The following STAMBPL1 variants were observed in gnomAD, a reference collection of about 807,000 sequenced individuals.
STAMBPL1 encodes the protein STAM binding protein like 1, also known as AMSH-like protease.
In STAMBPL1, 44 loss-of-function variants were observed where a neutral mutation model predicts 52.9. The observed-to-expected ratio is 0.83, with a 90% CI of 0.65 to 1.07. STAMBPL1 has a LOEUF of 1.07. Among genes scored for constraint, STAMBPL1 ranks in the 50% least tolerant of loss-of-function variants. STAMBPL1 has a pLI of 0.00. For missense variants in STAMBPL1, 511 were observed against 520.8 expected (o/e 0.98, Z 0.18); for synonymous variants, 164 against 177.3 (o/e 0.92, Z 0.60).
In STAMBPL1 at chr10:88,913,154, G is replaced by A; in HGVS notation, c.474G>A (p.Glu158=). ...LKKLEHQRLI[E]AERKRIAQMR... is the part of the protein sequence containing the mutation. ...AATTGGAGCATCAGAGATTGATAGA[G>A]GCAGAAAGGAAGCGGATTGCTCAGA... is the stretch of plus-strand genomic sequence containing the variant. The change falls in exon 6 of 11, where the codon GAG becomes GAA. Residue 158 remains glutamate, a synonymous_variant. Transcript: ENST00000371926. 2 of 1,613,258 alleles carry A rather than the reference G, an allele frequency of 1.2e-6. No homozygotes were observed. Among genetic ancestry groups the A allele is most frequent in the Non-Finnish European group, 1.7e-6 (2 of 1,179,582 alleles).
chr10:88,910,224 C>T (rs1159815242), intron 4 of STAMBPL1, among the ~76,000 whole-genome samples: 1 of 152,118 alleles, frequency 6.6e-6, no homozygotes, highest in African/African-American at 2.4e-5. Context: ...ACTTGAGTTC[C>T]AGTCCTAAAT....
chr10:88,908,743 A>G lies in STAMBPL1; in HGVS notation c.290A>G (p.Gln97Arg). ...EKLPNHRDYQQCAVPEKQDIM... is the reference protein window; with the variant it reads ...EKLPNHRDYQRCAVPEKQDIM... ...CTTCCTAACCATCGAGATTACCAGC[A>G]ATGTGCAGTACCTGAAAAGCAGGAT... Residue 97 changes from glutamine to arginine, a missense_variant, in exon 4 of 11, where the codon CAA becomes CGA. Physicochemically the swap from Gln to Arg is conservative, Grantham distance 43. Transcript: ENST00000371926. The G allele has an allele frequency of 6.2e-7, 1 of 1,609,906 alleles. No homozygotes were observed. The highest frequency in any genetic ancestry group is 8.5e-7 in the Non-Finnish European group (1 of 1,178,576).
intron 1 of STAMBPL1, among the ~76,000 whole-genome samples, chr10:88,895,145 C>T (rs925485264): frequency 2.0e-5 from 3 of 152,220 alleles, no homozygotes; most frequent in Non-Finnish European, 4.4e-5. Context: ...GGACTTGACC[C>T]TTCTAGGTTG....
At chr10:88,921,003 T>A in intron 8 of STAMBPL1, among the ~76,000 whole-genome samples, 1 of 152,270 alleles carries the variant, frequency 6.6e-6, no homozygotes. Flanking sequence ...TATATGAGAA[T>A]CTATTTAAAG....
At position 88,914,607 on chromosome 10, in the gene STAMBPL1, A is replaced by G; in HGVS notation, c.852A>G (p.Glu284=). The stretch of plus-strand genomic sequence containing the variant: ...GCCACAAATTTCTGCAACTGGCAGA[A>G]TCTAATACAGTGAGAGGAATAGAAA... ...DLCHKFLQLA[E]SNTVRGIETC... Residue 284 remains glutamate (E), a synonymous_variant, in exon 7 of 11, where the codon GAA becomes GAG. Transcript: ENST00000371926. 6.6e-7 allele frequency: 1 copy of G among 1,522,664 alleles called. No individual in the cohort carries two copies. The highest frequency in any genetic ancestry group is 8.8e-7 in the Non-Finnish European group (1 of 1,131,336). The allele number at this position is 1,522,664 out of a possible 1,614,324, so 94.3% of individuals were successfully genotyped here. A position where few individuals can be genotyped will look rare whatever the true frequency, so the allele number is the denominator to read the frequency against.
intron 1 of STAMBPL1, among the ~76,000 whole-genome samples, chr10:88,886,783 G>C (rs896910283): frequency 1.3e-5 from 2 of 152,140 alleles, no homozygotes; most frequent in Non-Finnish European, 2.9e-5. Context: ...CTCAGGTGCA[G>C]GTTCCCCTTT....
intron 1 of STAMBPL1, among the ~76,000 whole-genome samples, chr10:88,884,747 A>G (rs1333173956): frequency 6.6e-6 from 1 of 152,182 alleles, no homozygotes; most frequent in Admixed American, 6.5e-5. Context: ...GCTGTTAGTT[A>G]TTGAAGATGT....
At chr10:88,910,862 T>G in intron 4 of STAMBPL1, 54 bp from the exon 5 acceptor site, 1 of 1,296,266 alleles carries the variant, frequency 7.7e-7, no homozygotes, top group Non-Finnish European at 1.1e-6. Flanking sequence ...CCTGATGATC[T>G]GAAAGAGTGT....
chr10:88,910,603 C>T (rs891065531), intron 4 of STAMBPL1, among the ~76,000 whole-genome samples: 1 of 152,112 alleles, frequency 6.6e-6, no homozygotes, highest in Non-Finnish European at 1.5e-5. Context: ...AAACTCACTG[C>T]CTAAAAATGG....
At position 88,908,780 on chromosome 10, in the gene STAMBPL1, A is replaced by G; in HGVS notation, c.324+3A>G. 6.2e-7 allele frequency: 1 copy of G among 1,602,270 alleles called. No individual in the cohort carries two copies. The highest frequency in any genetic ancestry group is 8.5e-7 in the Non-Finnish European group (1 of 1,175,510). On this transcript the variant is annotated splice_donor_region_variant and intron_variant, in intron 4 of 10. Coordinates refer to ENST00000371926, the MANE Select transcript of STAMBPL1 (RefSeq NM_020799.4). ...CTGAAAAGCAGGATATTATGAAGGT[A>G]TTGTGGGTTTTCTTCTCCACTGTGG...
intron 10 of STAMBPL1, 45 bp downstream of exon 10, chr10:88,922,481 C>T: frequency 6.4e-7 from 1 of 1,554,186 alleles, no homozygotes; most frequent in Non-Finnish European, 8.9e-7. Flanking sequence ...TTCTTGTTCA[C>T]TGCCCCCCCA....
intron 1 of STAMBPL1, among the ~76,000 whole-genome samples, chr10:88,899,870 C>T (rs1474929941): frequency 2.6e-5 from 4 of 152,220 alleles, no homozygotes; most frequent in Non-Finnish European, 5.9e-5. Flanking sequence ...GTTCCCCTCC[C>T]TCCCCGGCTT....
chr10:88,899,555 G>C (rs1271104947), intron 1 of STAMBPL1, among the ~76,000 whole-genome samples: 1 of 152,118 alleles, frequency 6.6e-6, no homozygotes, highest in Non-Finnish European at 1.5e-5. Context: ...TGTCACCCAG[G>C]CTAGAGTGTA....
intron 3 of STAMBPL1, among the ~76,000 whole-genome samples, chr10:88,906,107 G>A (rs1298001945): frequency 1.3e-5 from 2 of 152,120 alleles, no homozygotes; most frequent in Non-Finnish European, 2.9e-5. Flanking sequence ...GGGAGACACA[G>A]GAAAGATCTG....
chr10:88,905,257 T>C (rs1333646616), intron 2 of STAMBPL1, among the ~76,000 whole-genome samples, 186 bp from the exon 3 acceptor site: 1 of 152,230 alleles, frequency 6.6e-6, no homozygotes, highest in East Asian at 1.9e-4. Context: ...ATAAACCATG[T>C]ATTTTTGTTG....
chr10:88,899,257 A>G lies in STAMBPL1; in HGVS notation c.-53-2399A>G, dbSNP rs1844885607. ...TCATTCTGAAATGCAGTGTCTCTCA[A>G]AGTATTGTTTGGAAACCTCATGTAT... On this transcript the variant is annotated intron_variant, in intron 1 of 10. Coordinates refer to ENST00000371926, the MANE Select transcript of STAMBPL1 (RefSeq NM_020799.4). Among the ~76,000 whole-genome samples the G allele has an allele frequency of 2.0e-5, 3 of 152,194 alleles. No individual in the cohort carries two copies. The South Asian group carries it at 6.2e-4, about 32-fold the overall frequency.
chr10:88,918,869 G>A (rs368710239), intron 8 of STAMBPL1, among the ~76,000 whole-genome samples: 2 of 152,040 alleles, frequency 1.3e-5, no homozygotes, highest in East Asian at 1.9e-4. Flanking sequence ...ATGACCTACC[G>A]TGGACATAAT....
At chr10:88,908,107 T>C (rs1218783197) in intron 3 of STAMBPL1, among the ~76,000 whole-genome samples, 1 of 152,228 alleles carries the variant, frequency 6.6e-6, no homozygotes, top group African/African-American at 2.4e-5. Flanking sequence ...CTGGAAGCGA[T>C]GCACCTGGTT....
intron 1 of STAMBPL1, among the ~76,000 whole-genome samples, chr10:88,884,891 C>G (rs1404097895): frequency 6.6e-6 from 1 of 152,196 alleles, no homozygotes; most frequent in Non-Finnish European, 1.5e-5. Context: ...CTGTGAGTCT[C>G]AGTTTCCTTG....
Sources: gnomAD v4.1 joint callset for allele counts (sites outside exome capture counted in the v4.1 genomes callset) on GRCh38, gnomAD v4.1.1 for gene constraint, MANE v1.5 for transcripts, NCBI Gene and HGNC (gene_info 2026-07-23, HGNC 2026-07-21) for gene names.